Variants in CDR2L observed in about 807,000 individuals in gnomAD.
CDR2L encodes the protein cerebellar degeneration related protein 2 like.
CDR2L carries 19 observed loss-of-function variants against 36.1 expected under a neutral mutation model. The observed-to-expected ratio is 0.53, with a 90% CI of 0.37 to 0.77. The LOEUF (loss-of-function observed/expected upper bound fraction) is 0.77. CDR2L is among the 30% of genes least tolerant of loss of function. The probability of loss-of-function intolerance (pLI) is 0.00; values close to 1 mark genes in which losing one functional copy is unlikely to be tolerated. For missense variants in CDR2L, 575 were observed against 627.2 expected (o/e 0.92, Z 0.89); for synonymous variants, 285 against 280.4 (o/e 1.02, Z -0.16).
chr17:75,005,295 G>C lies in CDR2L; in HGVS notation c.*1221G>C, dbSNP rs1302700177. On this transcript the variant is annotated 3_prime_UTR_variant, in exon 5 of 5. Coordinates refer to ENST00000337231, the MANE Select transcript of CDR2L (RefSeq NM_014603.3). This position sits in a 1 kb window ranked among gnomAD's most constrained non-coding sequence, Gnocchi z 4.2. ...TCAAGTTCAGCTAAGAGACACCCAGGTCCCCAGCTTGCCCTGAGCAGCCCT... is the reference window on the plus strand; with the variant it reads ...TCAAGTTCAGCTAAGAGACACCCAGCTCCCCAGCTTGCCCTGAGCAGCCCT... The C allele has an allele frequency of 6.6e-6, 1 of 152,664 alleles. No homozygotes were observed. The highest frequency in any genetic ancestry group is 2.4e-5 in the African/African-American group (1 of 41,550). 9.5% of individuals were successfully genotyped at this position (152,664 alleles called of 1,614,324 possible). A position where few individuals can be genotyped will look rare whatever the true frequency, so the allele number is the denominator to read the frequency against.
At chr17:74,988,735 G>A (rs1488282998) in intron 1 of CDR2L, among the ~76,000 whole-genome samples, 1 of 152,190 alleles carries the variant, frequency 6.6e-6, no homozygotes, top group African/African-American at 2.4e-5. Flanking sequence ...CGGTCCCCTT[G>A]CAAATGGCTC....
Position 75,003,416 on chromosome 17 carries a change from T to G in CDR2L, c.740T>G (p.Leu247Arg). ...MEACRLRVQE[L>R]EAELLELQQM... ...GCCTGTCGCCTGCGTGTGCAGGAGC[T>G]GGAGGCCGAGCTGCTGGAGCTGCAG... is the stretch of plus-strand genomic sequence containing the variant. The change falls in exon 5 of 5, where the codon CTG (leucine) becomes CGG (arginine). Residue 247 changes from leucine to arginine, a missense_variant. By Grantham distance (102) the Leu-to-Arg change is moderately radical. Coordinates refer to ENST00000337231, the MANE Select transcript of CDR2L (RefSeq NM_014603.3). 1 of 1,573,508 alleles carries G rather than the reference T, an allele frequency of 6.4e-7. No individual in the cohort carries two copies. The highest frequency in any genetic ancestry group is 8.6e-7 in the Non-Finnish European group (1 of 1,160,662).
rs924428499 is a variant in CDR2L at position 75,001,399 on chromosome 17, A to T, written c.251A>T (p.Tyr84Phe). 6.2e-7 allele frequency: 1 copy of T among 1,611,592 alleles called. No homozygotes were observed. Among genetic ancestry groups the T allele is most frequent in the East Asian group, 2.2e-5 (1 of 44,846 alleles). ...RHVNEQHAKV[Y>F]EQLDLTARDL... is the part of the protein sequence containing the mutation. ...GTGAACGAGCAGCACGCCAAAGTCT[A>T]TGAGCAGCTGGACCTGACAGCCCGG... Residue 84 changes from tyrosine (Y) to phenylalanine (F), a missense_variant, in exon 3 of 5, where the codon TAT (tyrosine) becomes TTT (phenylalanine). Transcript: ENST00000337231.
In CDR2L at chr17:74,989,469, CT is replaced by C. The variant is rs934768017; in HGVS notation, c.79+1348del. 7.5e-6 allele frequency among the ~76,000 whole-genome samples: 1 copy of C among 133,552 alleles called. No homozygotes were observed. Among genetic ancestry groups the C allele is most frequent in the Admixed American group, 7.3e-5 (1 of 13,788 alleles). 87.6% of individuals were successfully genotyped at this position (133,552 alleles called of 152,430 possible). A position where few individuals can be genotyped will look rare whatever the true frequency, so the allele number is the denominator to read the frequency against. On this transcript the variant is annotated intron_variant, in intron 1 of 4. Coordinates refer to ENST00000337231, the MANE Select transcript of CDR2L (RefSeq NM_014603.3). This position sits in a 1 kb window ranked among gnomAD's most constrained non-coding sequence, Gnocchi z 4.2. ...CACATCCACACATTGTGACAACCCC[CT>C]CTCCCATCCTGGGCAGTAAATTTTT...
chr17:74,997,228 G>A (rs187567307), intron 1 of CDR2L, among the ~76,000 whole-genome samples: 4,487 of 151,954 alleles, frequency 0.03, 221 homozygotes, highest in African/African-American at 0.1. Flanking sequence ...ACAGGCTTGC[G>A]CCACCACACC....
intron 1 of CDR2L, among the ~76,000 whole-genome samples, chr17:74,994,913 A>G (rs1488099104): frequency 6.6e-6 from 1 of 152,126 alleles, no homozygotes. Flanking sequence ...TACTAAAAAT[A>G]CAAAAATTAG....
rs748195274 is a variant in CDR2L, at chr17:75,001,505, AG to A, written c.341+19del. The A allele has an allele frequency of 2.2e-5, 33 of 1,524,112 alleles. No individual in the cohort carries two copies. Among genetic ancestry groups the A allele is most frequent in the Non-Finnish European group, 2.9e-5 (33 of 1,137,716 alleles). 94.4% of individuals were successfully genotyped at this position (1,524,112 alleles called of 1,614,324 possible). The stretch of plus-strand genomic sequence containing the variant: ...AGATCCATGGGTGAGGGCCCGGCTG[AG>A]GGCTGGGGGGCGGGCGAGGGAGAGC... On this transcript the variant is annotated intron_variant, in intron 3 of 4. Coordinates refer to ENST00000337231, the MANE Select transcript of CDR2L (RefSeq NM_014603.3).
chr17:74,991,895 C>T (rs1023737580), intron 1 of CDR2L, among the ~76,000 whole-genome samples: 19 of 152,088 alleles, frequency 1.2e-4, no homozygotes, highest in Non-Finnish European at 1.9e-4. Flanking sequence ...GTGCTGTCCC[C>T]GCCTGCCTAG....
Position 74,999,579 on chromosome 17 carries a change from T to G in CDR2L, c.155T>G (p.Met52Arg), listed in dbSNP as rs774955091. ...NKELEGSLQQ[M>R]YSTNEEQVQE... ...GAGCTGGAGGGGTCCCTGCAGCAGA[T>G]GTACTCCACCAATGAGGAACAGGTG... Residue 52 changes from methionine (M) to arginine (R), a missense_variant, in exon 2 of 5, where the codon ATG becomes AGG. Transcript: ENST00000337231. The G allele has an allele frequency of 1.3e-6, 2 of 1,586,226 alleles. No homozygotes were observed. Among genetic ancestry groups the G allele is most frequent in the East Asian group, 2.3e-5 (1 of 43,536 alleles).
At position 75,003,948 on chromosome 17, in the gene CDR2L, C is replaced by A. The variant is rs751856744; in HGVS notation, c.1272C>A (p.Ala424=). 15 of 1,610,848 alleles carry A rather than the reference C, an allele frequency of 9.3e-6. No homozygotes were observed. Among genetic ancestry groups the A allele is most frequent in the Non-Finnish European group, 1.3e-5 (15 of 1,178,714 alleles). The change falls in exon 5 of 5, where the codon GCC becomes GCA. Residue 424 remains alanine, a synonymous_variant. Transcript: ENST00000337231. ...AGAGCCTGAGCCAGCACGTGGAGGC[C>A]GTGGACAAGCGGCTGGAACAGAGCC... ...GEKSLSQHVE[A]VDKRLEQSQP... is the part of the protein sequence containing the mutation.
chr17:74,987,701 G>C lies in CDR2L; in HGVS notation c.-343G>C, dbSNP rs1018823258. On this transcript the variant is annotated 5_prime_UTR_variant, in exon 1 of 5. Coordinates refer to ENST00000337231, the MANE Select transcript of CDR2L (RefSeq NM_014603.3). ...AGCGCGGACCCGAGCCGGGCAGGGG[G>C]CGCCCGCCACGGCACCCGCGCGCTC... 6.2e-6 allele frequency: 1 copy of C among 161,090 alleles called. No homozygotes were observed. Among genetic ancestry groups the C allele is most frequent in the Non-Finnish European group, 1.3e-5 (1 of 74,106 alleles). The allele number at this position is 161,090 out of a possible 1,614,324, so 10.0% of individuals were successfully genotyped here.
Position 75,005,219 on chromosome 17 carries a change from G to A in CDR2L, c.*1145G>A, listed in dbSNP as rs562686805. ...TCTTCACCTCCCACCTTTGTGGGGG[G>A]CTTTTGAGGACCCAGCTGCGTCAGG... On this transcript the variant is annotated 3_prime_UTR_variant, in exon 5 of 5. Coordinates refer to ENST00000337231, the MANE Select transcript of CDR2L (RefSeq NM_014603.3). This position sits in a 1 kb window ranked among gnomAD's most constrained non-coding sequence, Gnocchi z 4.2. The A allele has an allele frequency of 6.6e-6, 1 of 152,350 alleles. No homozygotes were observed. Among genetic ancestry groups the A allele is most frequent in the African/African-American group, 2.4e-5 (1 of 41,426 alleles). 9.4% of individuals were successfully genotyped at this position (152,350 alleles called of 1,614,324 possible).
intron 1 of CDR2L, among the ~76,000 whole-genome samples, chr17:74,996,018 G>A (rs2039823106): frequency 6.6e-6 from 1 of 151,318 alleles, no homozygotes; most frequent in Non-Finnish European, 1.5e-5. Context: ...GATTTATTGA[G>A]ATTTAATTAA....
intron 3 of CDR2L, 74 bp from the exon 4 acceptor site, chr17:75,001,990 G>A: frequency 7.5e-7 from 1 of 1,330,236 alleles, no homozygotes; most frequent in East Asian, 2.8e-5. Context: ...CCATCTTCAG[G>A]GAGCCAGGGC....
intron 1 of CDR2L, among the ~76,000 whole-genome samples, chr17:74,997,696 G>A (rs1489513781): frequency 6.6e-6 from 1 of 151,796 alleles, no homozygotes; most frequent in Non-Finnish European, 1.5e-5. Context: ...ATACTAGCCT[G>A]GGCAATATAA....
Position 74,988,063 on chromosome 17 carries a change from T to C in CDR2L, c.20T>C (p.Met7Thr), listed in dbSNP as rs752504049. 6.5e-7 allele frequency: 1 copy of C among 1,527,918 alleles called. No homozygotes were observed. Among genetic ancestry groups the C allele is most frequent in the South Asian group, 1.2e-5 (1 of 82,170 alleles). 94.6% of individuals were successfully genotyped at this position (1,527,918 alleles called of 1,614,324 possible). A position where few individuals can be genotyped will look rare whatever the true frequency, so the allele number is the denominator to read the frequency against. The change falls in exon 1 of 5, where the codon ATG (methionine) becomes ACG (threonine). Residue 7 changes from methionine (M) to threonine (T), a missense_variant. Physicochemically the swap from Met to Thr is moderately conservative, Grantham distance 81. Coordinates refer to ENST00000337231, the MANE Select transcript of CDR2L (RefSeq NM_014603.3). MRRAAG[M>T]EDFSAEEEES... Reference sequence around the variant, plus strand: ...GGGGCCATGCGGAGAGCCGCCGGGATGGAGGACTTCTCCGCGGAGGAAGAG... The same window carrying C: ...GGGGCCATGCGGAGAGCCGCCGGGACGGAGGACTTCTCCGCGGAGGAAGAG...
At chr17:74,993,048 GCAGA>G (rs2039805801) in intron 1 of CDR2L, among the ~76,000 whole-genome samples, 1 of 152,184 alleles carries the variant, frequency 6.6e-6, no homozygotes, top group Non-Finnish European at 1.5e-5. Context: ...TGGCCTCTTT[GCAGA>G]CCATGTAACA....
chr17:74,996,689 T>C (rs567922234), intron 1 of CDR2L, among the ~76,000 whole-genome samples: 2 of 152,162 alleles, frequency 1.3e-5, no homozygotes, highest in South Asian at 4.1e-4. Flanking sequence ...GGGTCCTCAT[T>C]TCCCTTGGAC....
In CDR2L at chr17:75,003,734, T is replaced by C; in HGVS notation, c.1058T>C (p.Leu353Pro). The stretch of plus-strand genomic sequence containing the variant: ...GTGCGCAAGCGGGGCATGTCCATCC[T>C]GCGGGAGGTGGACGAGCAGTACCAC... ...NSVRKRGMSI[L>P]REVDEQYHAL... The change falls in exon 5 of 5, where the codon CTG becomes CCG. Residue 353 changes from leucine to proline, a missense_variant. By Grantham distance (98) the Leu-to-Pro change is moderately conservative (BLOSUM62 -3). Transcript: ENST00000337231. 21 of 1,474,178 alleles carry C rather than the reference T, an allele frequency of 1.4e-5. No homozygotes were observed. Among genetic ancestry groups the C allele is most frequent in the Non-Finnish European group, 1.9e-5 (21 of 1,110,194 alleles). 91.3% of individuals were successfully genotyped at this position (1,474,178 alleles called of 1,614,324 possible).
Sources: allele counts gnomAD v4.1 joint callset (sites outside exome capture counted in the v4.1 genomes callset), GRCh38; gene constraint gnomAD v4.1.1; non-coding constraint Gnocchi (gnomAD v3.1); transcripts MANE v1.5; gene names NCBI Gene and HGNC (gene_info 2026-07-23, HGNC 2026-07-21).